Variants in NRXN3 observed in about 807,000 individuals in gnomAD.
The protein encoded by NRXN3 is neurexin III.
NRXN3 carries 32 observed loss-of-function variants against 137.6 expected under a neutral mutation model. That is an observed-to-expected ratio of 0.23 (90% CI 0.18 to 0.31). The LOEUF is 0.31. Among genes scored for constraint, NRXN3 ranks in the 10% least tolerant of loss-of-function variants. NRXN3 has a pLI of 1.00. For missense variants in NRXN3, 1,574 were observed against 2,062.5 expected (o/e 0.76, Z 4.59); for synonymous variants, 798 against 784.5 (o/e 1.02, Z -0.29).
chr14:78,501,315 C>T (rs186552764), intron 4 of NRXN3, among the ~76,000 whole-genome samples: 2 of 152,294 alleles, frequency 1.3e-5, no homozygotes, highest in East Asian at 3.9e-4. Context: ...TCCAAGCTTT[C>T]TCCCGGTTGT....
intron 18 of NRXN3, among the ~76,000 whole-genome samples, chr14:79,693,672 C>T (rs551392867): frequency 9.6e-4 from 145 of 150,966 alleles, no homozygotes; most frequent in African/African-American, 3.5e-3. Context: ...TTGTATAAAC[C>T]ATTATAAAGT....
intron 10 of NRXN3, among the ~76,000 whole-genome samples, chr14:78,829,078 C>A (rs985965499): frequency 2.0e-5 from 3 of 152,074 alleles, no homozygotes; most frequent in Non-Finnish European, 4.4e-5. Flanking sequence ...ATGGAAGATA[C>A]ATACTTGGTG....
intron 15 of NRXN3, among the ~76,000 whole-genome samples, chr14:79,163,733 A>G (rs1274043350): frequency 6.6e-6 from 1 of 151,978 alleles, no homozygotes; most frequent in Non-Finnish European, 1.5e-5. Context: ...ACAGAAAACT[A>G]TGATAAGGTT....
At chr14:78,453,713 G>A (rs186424702) in intron 4 of NRXN3, among the ~76,000 whole-genome samples, 1 of 152,276 alleles carries the variant, frequency 6.6e-6, no homozygotes, top group Admixed American at 6.5e-5. Context: ...ATTAGGGTGG[G>A]CCCTAATCCA....
chr14:78,683,241 A>G lies in NRXN3; in HGVS notation c.1222-25976A>G, dbSNP rs1002518750. 2.0e-5 allele frequency among the ~76,000 whole-genome samples: 3 copies of G among 152,350 alleles called. No homozygotes were observed. In the South Asian group the frequency reaches 6.2e-4, roughly 32 times the overall value. On this transcript the variant is annotated intron_variant, in intron 6 of 20. Coordinates refer to ENST00000335750, the MANE Select transcript of NRXN3 (RefSeq NM_001330195.2). Reference sequence around the variant, plus strand: ...CACTGGCTTCTTTTTACTTTTAAAAAATGTAGCCACTAGAAAATTTATAAT... The same window carrying G: ...CACTGGCTTCTTTTTACTTTTAAAAGATGTAGCCACTAGAAAATTTATAAT...
intron 4 of NRXN3, among the ~76,000 whole-genome samples, chr14:78,599,815 G>A (rs928490248): frequency 1.3e-5 from 2 of 152,098 alleles, no homozygotes; most frequent in South Asian, 4.2e-4. Context: ...AAATGGATAG[G>A]GAAAAAAAGA....
At chr14:79,490,072 C>A (rs1407155166) in intron 16 of NRXN3, among the ~76,000 whole-genome samples, 21 of 147,486 alleles carry the variant, frequency 1.4e-4, no homozygotes, top group Admixed American at 1.1e-3. Context: ...CTGGTAATTT[C>A]TCTTTCATTA....
chr14:78,208,710 A>T (rs1326724150), intron 1 of NRXN3, among the ~76,000 whole-genome samples: 1 of 152,196 alleles, frequency 6.6e-6, no homozygotes, highest in African/African-American at 2.4e-5. Flanking sequence ...TCTGAGCCTC[A>T]TCTGTAAGAT....
intron 4 of NRXN3, among the ~76,000 whole-genome samples, chr14:78,611,789 T>C (rs886856216): frequency 6.6e-6 from 1 of 152,240 alleles, no homozygotes; most frequent in African/African-American, 2.4e-5. Context: ...TACTGAATAA[T>C]CTGCAGGTGC....
chr14:79,553,718 T>C (rs1274947939), intron 16 of NRXN3, among the ~76,000 whole-genome samples: 7 of 152,110 alleles, frequency 4.6e-5, no homozygotes, highest in Non-Finnish European at 1.0e-4. Flanking sequence ...AGCCACAGGG[T>C]AGTGGCAGAA....
intron 16 of NRXN3, among the ~76,000 whole-genome samples, chr14:79,512,644 T>C (rs1265951504): frequency 1.3e-5 from 2 of 152,174 alleles, no homozygotes; most frequent in Non-Finnish European, 2.9e-5. Context: ...ATTGAGAAAT[T>C]GGACAAACAA....
At chr14:78,875,064 T>C (rs1229480847) in intron 10 of NRXN3, among the ~76,000 whole-genome samples, 1 of 152,196 alleles carries the variant, frequency 6.6e-6, no homozygotes, top group Admixed American at 6.6e-5. Flanking sequence ...GTGGGGAGTT[T>C]CCTGGGCCTC....
intron 16 of NRXN3, among the ~76,000 whole-genome samples, chr14:79,533,628 G>A (rs573150074): frequency 2.2e-4 from 33 of 152,100 alleles, no homozygotes; most frequent in African/African-American, 6.3e-4. Context: ...AATAAAAATC[G>A]TCCCAGTAAA....
chr14:79,664,048 C>T (rs2098546675), intron 17 of NRXN3, 99 bp downstream of exon 17: 2 of 1,200,678 alleles, frequency 1.7e-6, no homozygotes, highest in African/African-American at 1.5e-5. Context: ...TTCCAGAACA[C>T]TGAGTGAAGT....
At chr14:78,926,797 TA>T in intron 10 of NRXN3, among the ~76,000 whole-genome samples, 1 of 52,006 alleles carries the variant, frequency 1.9e-5, no homozygotes. Flanking sequence ...TATTATATAT[TA>T]TATATTTATA....
At chr14:79,770,124 C>A (rs2099072002) in intron 19 of NRXN3, among the ~76,000 whole-genome samples, 2 of 151,650 alleles carry the variant, frequency 1.3e-5, no homozygotes, top group Non-Finnish European at 2.9e-5. Flanking sequence ...ATTCATAAAG[C>A]AAGTCCTGAG....
intron 15 of NRXN3, among the ~76,000 whole-genome samples, chr14:79,451,034 C>T (rs56209900): frequency 0.27 from 41,585 of 151,934 alleles, 6,288 homozygotes; most frequent in Admixed American, 0.39. Flanking sequence ...TCACCTCAGA[C>T]AAATTCTGTA....
At chr14:79,118,487 C>T (rs1018642789) in intron 15 of NRXN3, among the ~76,000 whole-genome samples, 10 of 151,996 alleles carry the variant, frequency 6.6e-5, no homozygotes, top group Admixed American at 5.9e-4. Context: ...TTTTCTTTTG[C>T]CTTTGTCATG....
intron 15 of NRXN3, among the ~76,000 whole-genome samples, chr14:79,302,287 C>T (rs369264352): frequency 1.3e-5 from 2 of 151,890 alleles, no homozygotes; most frequent in Middle Eastern, 3.2e-3. Context: ...AAAGGAATAC[C>T]GGAGGCTGGG....
Sources: gnomAD v4.1 joint callset for allele counts (sites outside exome capture counted in the v4.1 genomes callset) on GRCh38, gnomAD v4.1.1 for gene constraint, MANE v1.5 for transcripts, NCBI Gene and HGNC (gene_info 2026-07-23, HGNC 2026-07-21) for gene names.